Variants in GRID2 observed in about 807,000 individuals in gnomAD.
The protein encoded by GRID2 is glutamate receptor ionotropic, delta-2.
In GRID2, 33 loss-of-function variants were observed where a neutral mutation model predicts 114.8. The ratio of observed to expected loss-of-function variants is 0.29; its 90% CI spans 0.22 to 0.38. GRID2 has a LOEUF of 0.38. GRID2 is among the 10% of genes least tolerant of loss of function. The pLI is 1.00. For synonymous variants in GRID2, 505 were observed against 449.9 expected (o/e 1.12, Z -1.55); for missense variants, 1,184 against 1,257.7 (o/e 0.94, Z 0.89).
intron 13 of GRID2, among the ~76,000 whole-genome samples, chr4:93,526,624 A>G (rs545704898): frequency 9.2e-5 from 14 of 152,176 alleles, no homozygotes; most frequent in Non-Finnish European, 1.9e-4. Context: ...AGCCTGACCA[A>G]TATGGGGAAA....
In GRID2 at chr4:93,085,242, C is replaced by G; in HGVS notation, c.492C>G (p.Ala164=). 6.2e-7 allele frequency: 1 copy of G among 1,613,450 alleles called. No homozygotes were observed. Residue 164 remains alanine (A), a synonymous_variant, in exon 3 of 16, where the codon GCC becomes GCG. Coordinates refer to ENST00000282020, the MANE Select transcript of GRID2 (RefSeq NM_001510.4). ...TCCTAAGAGTGGTCACAGAGTATGC[C>G]TGGCAGAAATTCATTATATTCTATG... The part of the protein sequence containing the change: ...DVILRVVTEY[A]WQKFIIFYDS...
intron 2 of GRID2, among the ~76,000 whole-genome samples, chr4:92,890,299 C>T (rs567436932): frequency 2.0e-4 from 30 of 152,216 alleles, no homozygotes; most frequent in South Asian, 6.2e-4. Flanking sequence ...ATCTGCACAG[C>T]AAAATAGACT....
At chr4:92,846,079 T>G (rs1031880587) in intron 2 of GRID2, among the ~76,000 whole-genome samples, 1 of 152,114 alleles carries the variant, frequency 6.6e-6, no homozygotes, top group African/African-American at 2.4e-5. Context: ...CTAGTTAAAA[T>G]TACAGATTTC....
intron 1 of GRID2, among the ~76,000 whole-genome samples, chr4:92,420,772 CCTT>C (rs1259699137): frequency 6.6e-6 from 1 of 152,148 alleles, no homozygotes; most frequent in Non-Finnish European, 1.5e-5. Flanking sequence ...GCAACATCCA[CCTT>C]CTGGGTTCAA....
intron 2 of GRID2, among the ~76,000 whole-genome samples, chr4:92,799,449 G>C (rs923347850): frequency 7.9e-5 from 12 of 152,006 alleles, no homozygotes; most frequent in African/African-American, 2.9e-4. Context: ...ATTTCTCGCT[G>C]TTTTAGTGGC....
intron 2 of GRID2, among the ~76,000 whole-genome samples, chr4:92,713,504 TA>T (rs1735376402): frequency 1.5e-5 from 2 of 134,946 alleles, no homozygotes; most frequent in African/African-American, 5.7e-5. Context: ...TATATATATA[TA>T]TATATATATA....
rs529659383 is a variant in GRID2 at position 93,002,877 on chromosome 4, C to T, written c.245-82118C>T. The stretch of plus-strand genomic sequence containing the variant: ...GGCTGTAGGGGAGAATCCATTTCTT[C>T]ATCTTTTCTAACTTCTAGAGGTCAC... On this transcript the variant is annotated intron_variant, in intron 2 of 15. Transcript: ENST00000282020. 3.2e-4 allele frequency among the ~76,000 whole-genome samples: 49 copies of T among 151,884 alleles called. 1 individual carries two copies. Among genetic ancestry groups the T allele is most frequent in the African/African-American group, 1.1e-3 (47 of 41,494 alleles).
chr4:92,725,958 ACT>A (rs1246203555), intron 2 of GRID2, among the ~76,000 whole-genome samples: 3 of 152,096 alleles, frequency 2.0e-5, no homozygotes, highest in Non-Finnish European at 4.4e-5. Context: ...ACTGAGAGAA[ACT>A]CTAAAACATG....
intron 14 of GRID2, among the ~76,000 whole-genome samples, chr4:93,727,065 G>T (rs1025473690): frequency 6.6e-6 from 1 of 152,178 alleles, no homozygotes; most frequent in South Asian, 2.1e-4. Flanking sequence ...ACTTGTGCCA[G>T]TTTTCAAAGG....
chr4:92,685,603 AC>A lies in GRID2; in HGVS notation c.244+95318del, dbSNP rs527352694. ...TAGTAATGAATTTTTAACTATCTGC[AC>A]ATATTTTCATAGAGTTCACTGATTT... On this transcript the variant is annotated intron_variant, in intron 2 of 15. Coordinates refer to ENST00000282020, the MANE Select transcript of GRID2 (RefSeq NM_001510.4). Among the ~76,000 whole-genome samples the A allele has an allele frequency of 3.2e-3, 483 of 152,228 alleles. 2 individuals carry two copies. The highest frequency in any genetic ancestry group is 5.6e-3 in the Non-Finnish European group (379 of 67,942).
At chr4:92,362,945 A>G (rs1728686675) in intron 1 of GRID2, among the ~76,000 whole-genome samples, 1 of 151,940 alleles carries the variant, frequency 6.6e-6, no homozygotes, top group Non-Finnish European at 1.5e-5. Flanking sequence ...GTTTTGTCTG[A>G]CTCCACAGCT....
intron 2 of GRID2, among the ~76,000 whole-genome samples, chr4:92,843,998 T>C (rs963683873): frequency 2.0e-5 from 3 of 152,146 alleles, no homozygotes; most frequent in Admixed American, 6.6e-5. Context: ...TAGTTTATTA[T>C]ATAATATCAA....
intron 1 of GRID2, among the ~76,000 whole-genome samples, chr4:92,318,862 G>A (rs1726154272): frequency 6.6e-6 from 1 of 152,006 alleles, no homozygotes; most frequent in Non-Finnish European, 1.5e-5. Context: ...CAATCCAGTT[G>A]CCTTTCGCTA....
intron 14 of GRID2, among the ~76,000 whole-genome samples, chr4:93,717,735 A>G (rs1019003566): frequency 6.6e-6 from 1 of 152,128 alleles, no homozygotes; most frequent in African/African-American, 2.4e-5. Context: ...GTGTCTCCAT[A>G]AAGGTGATAC....
intron 14 of GRID2, among the ~76,000 whole-genome samples, chr4:93,645,102 A>C (rs932381370): frequency 5.9e-5 from 9 of 152,308 alleles, no homozygotes; most frequent in Admixed American, 5.9e-4. Context: ...GCAAAGTCAA[A>C]GGCCTGACCT....
At chr4:93,052,385 A>T (rs924461501) in intron 2 of GRID2, among the ~76,000 whole-genome samples, 5 of 151,820 alleles carry the variant, frequency 3.3e-5, no homozygotes, top group African/African-American at 1.2e-4. Context: ...TCTTTAGGTG[A>T]TTTTGTAGTT....
At chr4:92,756,320 C>T (rs759464239) in intron 2 of GRID2, among the ~76,000 whole-genome samples, 4 of 152,088 alleles carry the variant, frequency 2.6e-5, no homozygotes, top group Non-Finnish European at 4.4e-5. Flanking sequence ...ATACATACCA[C>T]ATTTTCCTTA....
chr4:93,441,852 T>C (rs1323957553), intron 10 of GRID2, among the ~76,000 whole-genome samples: 2 of 123,870 alleles, frequency 1.6e-5, no homozygotes, highest in Admixed American at 1.7e-4. Flanking sequence ...AAAGGTTTTC[T>C]TAACTAAGAA....
chr4:92,400,668 T>A (rs1465384519), intron 1 of GRID2, among the ~76,000 whole-genome samples: 1 of 152,140 alleles, frequency 6.6e-6, no homozygotes, highest in Non-Finnish European at 1.5e-5. Flanking sequence ...GTTTAACATT[T>A]TGATAAACCC....
Sources: allele counts gnomAD v4.1 joint callset (sites outside exome capture counted in the v4.1 genomes callset), GRCh38; gene constraint gnomAD v4.1.1; transcripts MANE v1.5; gene names NCBI Gene and HGNC (gene_info 2026-07-23, HGNC 2026-07-21).